Variants in FAT3 observed in about 807,000 individuals in gnomAD.
FAT3 encodes the protein FAT atypical cadherin 3, also known as protocadherin Fat 3.
A neutral mutation model predicts 310.2 loss-of-function variants in FAT3; 95 were observed. That is an observed-to-expected ratio of 0.31 (90% CI 0.26 to 0.36). The LOEUF (loss-of-function observed/expected upper bound fraction) is 0.36. Ranked by LOEUF, FAT3 falls within the 10% of genes least tolerant of loss-of-function variation. The probability of loss-of-function intolerance (pLI) is 1.00; values close to 1 mark genes in which losing one functional copy is unlikely to be tolerated. For missense variants in FAT3, 5,408 were observed against 5,715.6 expected (o/e 0.95, Z 1.74); for synonymous variants, 2,314 against 2,192.9 (o/e 1.06, Z -1.54).
At chr11:92,405,991 CTG>C (rs994356367) in intron 2 of FAT3, among the ~76,000 whole-genome samples, 73 of 152,278 alleles carry the variant, frequency 4.8e-4, no homozygotes, top group African/African-American at 1.7e-3. Flanking sequence ...CATTTTGAAA[CTG>C]TGAATATTTC....
intron 3 of FAT3, among the ~76,000 whole-genome samples, chr11:92,536,022 C>G (rs1237413713): frequency 6.6e-6 from 1 of 152,134 alleles, no homozygotes; most frequent in Non-Finnish European, 1.5e-5. Flanking sequence ...AGTAGTTTAT[C>G]CATTGATTGT....
intron 15 of FAT3, among the ~76,000 whole-genome samples, chr11:92,835,587 G>C (rs941809717): frequency 6.6e-6 from 1 of 152,116 alleles, no homozygotes; most frequent in Non-Finnish European, 1.5e-5. Flanking sequence ...GTGTTAATTA[G>C]CTTGATTTAA....
intron 2 of FAT3, among the ~76,000 whole-genome samples, chr11:92,441,172 C>T (rs1951056245): frequency 6.6e-6 from 1 of 152,222 alleles, no homozygotes; most frequent in Admixed American, 6.5e-5. Flanking sequence ...CGGCTTCCCC[C>T]ACATTCTTTG....
chr11:92,798,290 T>A lies in FAT3; in HGVS notation c.5277T>A (p.Ile1759=), dbSNP rs770291436. The change falls in exon 10 of 28, where the codon ATT becomes ATA. Residue 1759 remains isoleucine (I), a synonymous_variant. Transcript: ENST00000525166. Reference sequence around the variant, plus strand: ...CCAATGCTACAGTCAATATTCAGATTGTTGATGAAAATGATAATGCCCCAG... The same window carrying A: ...CCAATGCTACAGTCAATATTCAGATAGTTGATGAAAATGATAATGCCCCAG... ...MASNATVNIQ[I]VDENDNAPVF... 2 of 1,613,844 alleles carry A rather than the reference T, an allele frequency of 1.2e-6. No individual in the cohort carries two copies. Among genetic ancestry groups the A allele is most frequent in the Non-Finnish European group, 1.7e-6 (2 of 1,179,864 alleles).
intron 2 of FAT3, among the ~76,000 whole-genome samples, chr11:92,463,696 T>C (rs1951690560): frequency 6.6e-6 from 1 of 152,164 alleles, no homozygotes; most frequent in African/African-American, 2.4e-5. Context: ...TTTTGGAATC[T>C]GTATTTCTAA....
chr11:92,461,790 A>G (rs550177650), intron 2 of FAT3, among the ~76,000 whole-genome samples: 2 of 152,312 alleles, frequency 1.3e-5, no homozygotes, highest in South Asian at 2.1e-4. Context: ...ATGTTCAAAT[A>G]GGGGAATGAC....
chr11:92,347,062 C>G (rs1948440568), intron 1 of FAT3, among the ~76,000 whole-genome samples: 1 of 152,110 alleles, frequency 6.6e-6, no homozygotes, highest in South Asian at 2.1e-4. Flanking sequence ...CATTATTGTT[C>G]TCATTTTATA....
intron 3 of FAT3, among the ~76,000 whole-genome samples, chr11:92,529,864 A>T (rs540528486): frequency 6.6e-6 from 1 of 152,198 alleles, no homozygotes; most frequent in African/African-American, 2.4e-5. Flanking sequence ...GGTGAAGTTC[A>T]GCTTTCTTTT....
intron 1 of FAT3, among the ~76,000 whole-genome samples, chr11:92,280,168 T>G (rs1946385294): frequency 6.6e-6 from 1 of 152,174 alleles, no homozygotes; most frequent in South Asian, 2.1e-4. Flanking sequence ...ATTAGTGACT[T>G]GCTCAAGAAC....
At chr11:92,342,749 A>T (rs1011681186) in intron 1 of FAT3, among the ~76,000 whole-genome samples, 2 of 152,174 alleles carry the variant, frequency 1.3e-5, no homozygotes, top group East Asian at 3.9e-4. Flanking sequence ...AATCGTAAGC[A>T]TGAGAGAATA....
At chr11:92,595,288 C>T (rs1939646527) in intron 3 of FAT3, among the ~76,000 whole-genome samples, 1 of 152,124 alleles carries the variant, frequency 6.6e-6, no homozygotes, top group African/African-American at 2.4e-5. Flanking sequence ...ATCAAGGCTT[C>T]TCAGAGAGTC....
chr11:92,488,456 C>CCCCCCG (rs1952499042), intron 2 of FAT3, among the ~76,000 whole-genome samples: 1 of 87,372 alleles, frequency 1.1e-5, no homozygotes, highest in African/African-American at 4.0e-5. Flanking sequence ...CACCGCCCCC[C>CCCCCCG]CCCCCGCCCC....
intron 1 of FAT3, among the ~76,000 whole-genome samples, chr11:92,285,731 G>A (rs1946545999): frequency 6.6e-6 from 1 of 152,138 alleles, no homozygotes; most frequent in Non-Finnish European, 1.5e-5. Flanking sequence ...GTCCTGTTTT[G>A]TCTCATAAGA....
chr11:92,494,578 A>G (rs1291829828), intron 2 of FAT3, among the ~76,000 whole-genome samples: 1 of 151,002 alleles, frequency 6.6e-6, no homozygotes, highest in Non-Finnish European at 1.5e-5. Flanking sequence ...TTCTTATTTA[A>G]TTTTTAATAA....
intron 1 of FAT3, among the ~76,000 whole-genome samples, chr11:92,249,463 C>T (rs1253304546): frequency 2.0e-5 from 3 of 152,088 alleles, no homozygotes; most frequent in Non-Finnish European, 4.4e-5. Context: ...TGATTGCCAT[C>T]GACCAAGCAT....
At chr11:92,524,350 T>C (rs960487810) in intron 2 of FAT3, among the ~76,000 whole-genome samples, 19 of 152,112 alleles carry the variant, frequency 1.2e-4, no homozygotes, top group Non-Finnish European at 2.6e-4. Flanking sequence ...TCTGTGTGTG[T>C]GCATCTGAGC....
chr11:92,456,232 A>G (rs1457110601), intron 2 of FAT3, among the ~76,000 whole-genome samples: 1 of 152,214 alleles, frequency 6.6e-6, no homozygotes, highest in Non-Finnish European at 1.5e-5. Flanking sequence ...AAGCCTATCA[A>G]ACACCTAAAC....
At chr11:92,862,719 C>A (rs912782040) in intron 21 of FAT3, among the ~76,000 whole-genome samples, 5 of 151,872 alleles carry the variant, frequency 3.3e-5, no homozygotes, top group Non-Finnish European at 7.4e-5. Context: ...AGAATGTCAC[C>A]AAAAAATAAG....
chr11:92,482,555 C>CCAG (rs1952258094), intron 2 of FAT3, among the ~76,000 whole-genome samples: 1 of 152,188 alleles, frequency 6.6e-6, no homozygotes, highest in South Asian at 2.1e-4. Flanking sequence ...TTCTGACTTT[C>CCAG]CAGCCTATCA....
Sources: allele counts gnomAD v4.1 joint callset (sites outside exome capture counted in the v4.1 genomes callset), GRCh38; gene constraint gnomAD v4.1.1; transcripts MANE v1.5; gene names NCBI Gene and HGNC (gene_info 2026-07-23, HGNC 2026-07-21).